The following LRRC37A2 variants were observed in gnomAD, a reference collection of about 807,000 sequenced individuals.
LRRC37A2 encodes the protein leucine-rich repeat-containing protein 37A2.
Under a neutral mutation model 68.8 loss-of-function variants are expected in LRRC37A2, and 9 were observed. The ratio of observed to expected loss-of-function variants is 0.13; its 90% CI spans 0.08 to 0.23. The LOEUF is 0.23. Among genes scored for constraint, LRRC37A2 ranks in the 10% least tolerant of loss-of-function variants. The pLI is 1.00. For synonymous variants in LRRC37A2, 63 were observed against 367.6 expected (o/e 0.17, Z 9.48); for missense variants, 168 against 950.4 (o/e 0.18, Z 10.82).
chr17:46,887,788 A>AGAAG, the LRRC37A2 span, among the ~76,000 whole-genome samples: 6 of 151,918 alleles, frequency 3.9e-5, no homozygotes, highest in Non-Finnish European at 7.4e-5. Context: ...AAAGAAAGAA[A>AGAAG]GAAATCTCTG....
At chr17:46,791,103 T>C in the LRRC37A2 span, among the ~76,000 whole-genome samples, 1 of 152,140 alleles carries the variant, frequency 6.6e-6, no homozygotes, top group Admixed American at 6.5e-5. Flanking sequence ...ATGCTCACAC[T>C]CTTTGGCTTC....
chr17:47,020,989 A>G, the LRRC37A2 span, among the ~76,000 whole-genome samples: 2 of 151,562 alleles, frequency 1.3e-5, no homozygotes, highest in African/African-American at 2.4e-5. Context: ...TGTTAAATAG[A>G]AAAAAAATGG....
At chr17:46,892,828 T>C in the LRRC37A2 span, among the ~76,000 whole-genome samples, 1 of 152,248 alleles carries the variant, frequency 6.6e-6, no homozygotes, top group Non-Finnish European at 1.5e-5. Context: ...ATGTAGATCA[T>C]CAAATATACA....
the LRRC37A2 span, among the ~76,000 whole-genome samples, chr17:46,867,214 C>T: frequency 6.6e-6 from 1 of 152,336 alleles, no homozygotes; most frequent in Middle Eastern, 3.4e-3. Flanking sequence ...GACCGTGTCC[C>T]AGCACAGTAC....
the LRRC37A2 span, chr17:46,952,563 G>A: frequency 6.6e-6 from 1 of 152,240 alleles, no homozygotes; most frequent in Non-Finnish European, 1.5e-5. Flanking sequence ...TGCTGGGAGA[G>A]ACTTCTGGGA....
At chr17:46,502,286 A>G in the LRRC37A2 span, among the ~76,000 whole-genome samples, 1 of 151,014 alleles carries the variant, frequency 6.6e-6, no homozygotes, top group Non-Finnish European at 1.5e-5. Flanking sequence ...CTTGACCCCC[A>G]CTGTTATCTA....
chr17:46,685,405 A>G, the LRRC37A2 span, among the ~76,000 whole-genome samples: 1 of 151,720 alleles, frequency 6.6e-6, no homozygotes, highest in Non-Finnish European at 1.5e-5. Context: ...CATGCAGGAT[A>G]TATATGTGTG....
chr17:46,712,282 A>G, the LRRC37A2 span, among the ~76,000 whole-genome samples: 1 of 152,154 alleles, frequency 6.6e-6, no homozygotes, highest in African/African-American at 2.4e-5. Flanking sequence ...AGCCCTTGCT[A>G]TTTGCCAGTC....
At chr17:47,008,615 C>T in the LRRC37A2 span, among the ~76,000 whole-genome samples, 1 of 151,780 alleles carries the variant, frequency 6.6e-6, no homozygotes, top group African/African-American at 2.4e-5. Flanking sequence ...TACCACCATG[C>T]CTGGCTAGTT....
chr17:46,731,745 C>G, the LRRC37A2 span, among the ~76,000 whole-genome samples: 2 of 152,164 alleles, frequency 1.3e-5, no homozygotes. Flanking sequence ...GGGGTTCTCT[C>G]TGAAGGGAAT....
chr17:46,887,740 G>A, the LRRC37A2 span, among the ~76,000 whole-genome samples: 1 of 151,812 alleles, frequency 6.6e-6, no homozygotes, highest in Non-Finnish European at 1.5e-5. Flanking sequence ...CTCCAGCCTG[G>A]GCGACATAGC....
the LRRC37A2 span, among the ~76,000 whole-genome samples, chr17:46,767,596 G>A: frequency 1.3e-5 from 2 of 152,136 alleles, no homozygotes; most frequent in Admixed American, 1.3e-4. Context: ...GAAAGAACAG[G>A]AAGTTACTGA....
the LRRC37A2 span, among the ~76,000 whole-genome samples, chr17:46,892,142 C>T: frequency 1.3e-5 from 2 of 152,028 alleles, no homozygotes; most frequent in Non-Finnish European, 2.9e-5. Context: ...TGGTCTCGAA[C>T]TCCTGATCTC....
chr17:46,923,380 A>G, the LRRC37A2 span: 10 of 1,465,398 alleles, frequency 6.8e-6, no homozygotes, highest in Middle Eastern at 1.8e-4. Context: ...CCTTGGCGGG[A>G]CTCCCAGGTC....
the LRRC37A2 span, among the ~76,000 whole-genome samples, chr17:46,928,085 G>T: frequency 1.3e-5 from 2 of 151,776 alleles, no homozygotes; most frequent in African/African-American, 4.8e-5. Flanking sequence ...CCACACCCCC[G>T]CATCATCCCA....
chr17:46,799,690 T>C, the LRRC37A2 span, among the ~76,000 whole-genome samples: 2 of 152,166 alleles, frequency 1.3e-5, no homozygotes, highest in South Asian at 4.1e-4. Flanking sequence ...TCAAATGATC[T>C]GTCCGCCTTG....
At chr17:47,008,623 G>GT in the LRRC37A2 span, among the ~76,000 whole-genome samples, 958 of 145,574 alleles carry the variant, frequency 6.6e-3, 2 homozygotes, top group African/African-American at 0.011. Flanking sequence ...TGCCTGGCTA[G>GT]TTTTTTTTTT....
At chr17:46,900,202 TACACACACACACACAC>T in the LRRC37A2 span, among the ~76,000 whole-genome samples, 23 of 101,126 alleles carry the variant, frequency 2.3e-4, no homozygotes, top group African/African-American at 1.1e-3. Context: ...TATATATATA[TACACACACACACACAC>T]ACATATATAT....
the LRRC37A2 span, among the ~76,000 whole-genome samples, chr17:46,721,316 TCTTC>T: frequency 6.6e-6 from 1 of 152,214 alleles, no homozygotes; most frequent in Non-Finnish European, 1.5e-5. Flanking sequence ...CTAGAGCTGC[TCTTC>T]CTTCCTTTAG....
Sources: allele counts gnomAD v4.1 joint callset (sites outside exome capture counted in the v4.1 genomes callset), GRCh38; gene constraint gnomAD v4.1.1; transcripts MANE v1.5; gene names NCBI Gene and HGNC (gene_info 2026-07-23, HGNC 2026-07-21).